The following PLOD2 variants were observed in gnomAD, a reference collection of about 807,000 sequenced individuals.
The protein encoded by PLOD2 is lysine hydroxylase 2.
A neutral mutation model predicts 101.0 loss-of-function variants in PLOD2; 65 were observed. The observed-to-expected ratio is 0.64, with a 90% CI of 0.53 to 0.79. The LOEUF (loss-of-function observed/expected upper bound fraction) is 0.79, where lower values mean the gene tolerates loss of function less well. Ranked by LOEUF, PLOD2 falls within the 30% of genes least tolerant of loss-of-function variation. The pLI, the probability that PLOD2 is intolerant of heterozygous loss-of-function variation, is 0.00. For synonymous variants in PLOD2, 314 were observed against 302.9 expected (o/e 1.04, Z -0.38); for missense variants, 909 against 914.6 (o/e 0.99, Z 0.08).
At chr3:146,092,505 A>T (rs559641795) in intron 7 of PLOD2, among the ~76,000 whole-genome samples, 4 of 152,148 alleles carry the variant, frequency 2.6e-5, no homozygotes, top group Non-Finnish European at 5.9e-5. Flanking sequence ...ATCAAAACAG[A>T]TCTAGGGCAA....
At chr3:146,077,026 C>A in intron 14 of PLOD2, 131 bp from the exon 15 acceptor site, 1 of 1,288,886 alleles carries the variant, frequency 7.8e-7, no homozygotes, top group Non-Finnish European at 1.0e-6. Context: ...TTTTAGTATT[C>A]ATATAAAATG....
chr3:146,144,427 C>T (rs35687630), intron 1 of PLOD2, among the ~76,000 whole-genome samples: 5,642 of 152,138 alleles, frequency 0.037, 175 homozygotes, highest in Non-Finnish European at 0.049. Flanking sequence ...TTGTACACTG[C>T]TCGTGGAAGT....
At chr3:146,137,142 A>T (rs2031276696) in intron 1 of PLOD2, among the ~76,000 whole-genome samples, 3 of 152,198 alleles carry the variant, frequency 2.0e-5, no homozygotes. Flanking sequence ...ATTTTTTAAA[A>T]AAGATGGAAT....
intron 1 of PLOD2, among the ~76,000 whole-genome samples, chr3:146,150,332 A>C (rs1258326940): frequency 2.6e-5 from 4 of 152,226 alleles, no homozygotes; most frequent in Non-Finnish European, 4.4e-5. Flanking sequence ...CAAGTTAGAA[A>C]AGGGTCCCCA....
chr3:146,115,728 GGT>G (rs1380219602), intron 3 of PLOD2, among the ~76,000 whole-genome samples: 1 of 152,068 alleles, frequency 6.6e-6, no homozygotes, highest in Non-Finnish European at 1.5e-5. Flanking sequence ...CTGTATCAAT[GGT>G]TCTCAACTAT....
chr3:146,124,348 C>G, intron 1 of PLOD2, 119 bp from the exon 2 acceptor site: 1 of 627,906 alleles, frequency 1.6e-6, no homozygotes, highest in Non-Finnish European at 2.9e-6. Flanking sequence ...GTTTACTTAT[C>G]TACACAAGAC....
At chr3:146,084,263 T>G (rs1936680253) in intron 11 of PLOD2, among the ~76,000 whole-genome samples, 1 of 152,014 alleles carries the variant, frequency 6.6e-6, no homozygotes, top group Non-Finnish European at 1.5e-5. Context: ...AGATACTGAG[T>G]ATCTATAACA....
chr3:146,159,410 G>A (rs1392593869), intron 1 of PLOD2, among the ~76,000 whole-genome samples: 1 of 152,172 alleles, frequency 6.6e-6, no homozygotes, highest in Non-Finnish European at 1.5e-5. Flanking sequence ...AAAAAGTTAG[G>A]GGTGTTGGCA....
Position 146,077,922 on chromosome 3 carries a change from A to G in PLOD2, c.1503T>C (p.Thr501=). 1 of 1,587,100 alleles carries G rather than the reference A, an allele frequency of 6.3e-7. No individual in the cohort carries two copies. The highest frequency in any genetic ancestry group is 8.7e-7 in the Non-Finnish European group (1 of 1,155,960). ...MALCRNAREM[T]LQREKDSPTP... ...TAGGGGAGTCTTTTTCCCTTTGTAA[A>G]GTCTAAAATGAAGAGAAGCATTGGG... The change falls in exon 14 of 20, where the codon ACT becomes ACC. Residue 501 remains threonine, a splice_region_variant and synonymous_variant. Coordinates refer to ENST00000282903, the MANE Select transcript of PLOD2 (RefSeq NM_182943.3).
At chr3:146,088,448 A>T in intron 9 of PLOD2, 138 bp downstream of exon 9, 1 of 633,878 alleles carries the variant, frequency 1.6e-6, no homozygotes, top group South Asian at 2.0e-5. Flanking sequence ...TTAGGTCCTA[A>T]AAAGGCAGGG....
intron 8 of PLOD2, among the ~76,000 whole-genome samples, chr3:146,090,346 C>CCTTT (rs1239426458): frequency 8.6e-5 from 13 of 151,334 alleles, no homozygotes; most frequent in African/African-American, 2.9e-4. Flanking sequence ...GAATAGTTTT[C>CCTTT]CTTTCTATCA....
chr3:146,153,487 C>T (rs1460472977), intron 1 of PLOD2, among the ~76,000 whole-genome samples: 3 of 152,140 alleles, frequency 2.0e-5, no homozygotes, highest in African/African-American at 4.8e-5. Flanking sequence ...AAAGTTGTGG[C>T]TTCAAACCAT....
At chr3:146,115,929 G>T (rs1576606538) in intron 3 of PLOD2, among the ~76,000 whole-genome samples, 1 of 152,232 alleles carries the variant, frequency 6.6e-6, no homozygotes, top group Non-Finnish European at 1.5e-5. Context: ...AACAGGCAGT[G>T]GTACAAGCCA....
chr3:146,116,301 G>A (rs75520013), intron 3 of PLOD2, among the ~76,000 whole-genome samples: 4 of 151,488 alleles, frequency 2.6e-5, no homozygotes, highest in East Asian at 3.9e-4. Flanking sequence ...AAACACCCAC[G>A]TACCCAGTTG....
intron 3 of PLOD2, among the ~76,000 whole-genome samples, chr3:146,115,016 C>T (rs1403302121): frequency 6.6e-6 from 1 of 152,036 alleles, no homozygotes; most frequent in Non-Finnish European, 1.5e-5. Flanking sequence ...GAAAACAAAA[C>T]AAAACAAAAA....
At chr3:146,114,986 G>C (rs1411028416) in intron 3 of PLOD2, among the ~76,000 whole-genome samples, 1 of 152,118 alleles carries the variant, frequency 6.6e-6, no homozygotes, top group Admixed American at 6.5e-5. Flanking sequence ...TGGGGGGGAT[G>C]AATTAATAAA....
intron 1 of PLOD2, among the ~76,000 whole-genome samples, chr3:146,148,649 AT>A (rs2031913311): frequency 6.6e-6 from 1 of 152,194 alleles, no homozygotes; most frequent in Non-Finnish European, 1.5e-5. Context: ...AAAAGAGGAA[AT>A]AACACAACTC....
At chr3:146,113,297 G>A (rs1576604431) in intron 3 of PLOD2, among the ~76,000 whole-genome samples, 1 of 152,080 alleles carries the variant, frequency 6.6e-6, no homozygotes, top group East Asian at 1.9e-4. Context: ...TGCTATTTCT[G>A]TGTTTAAATA....
intron 3 of PLOD2, among the ~76,000 whole-genome samples, chr3:146,115,659 C>T (rs1937875299): frequency 6.6e-6 from 1 of 152,190 alleles, no homozygotes; most frequent in African/African-American, 2.4e-5. Flanking sequence ...CTCTTCCTCA[C>T]TCATAAATAA....
Sources: allele counts gnomAD v4.1 joint callset (sites outside exome capture counted in the v4.1 genomes callset), GRCh38; gene constraint gnomAD v4.1.1; transcripts MANE v1.5; gene names NCBI Gene and HGNC (gene_info 2026-07-23, HGNC 2026-07-21).